WNT8B: variants seen among roughly 807,000 people sequenced by gnomAD.
WNT8B encodes the protein protein Wnt-8b.
WNT8B carries 24 observed loss-of-function variants against 36.6 expected under a neutral mutation model. The observed-to-expected ratio is 0.66, with a 90% CI of 0.48 to 0.92. The LOEUF (loss-of-function observed/expected upper bound fraction) is 0.92. Among genes scored for constraint, WNT8B ranks in the 40% least tolerant of loss-of-function variants. The pLI, the probability that WNT8B is intolerant of heterozygous loss-of-function variation, is 0.00. For missense variants in WNT8B, 402 were observed against 470.8 expected, an observed-to-expected ratio of 0.85 and a Z score of 1.35; for synonymous variants, 199 against 189.8, an observed-to-expected ratio of 1.05 and a Z score of -0.40.
chr10:100,481,210 T>C (rs1851106281), intron 4 of WNT8B, 87 bp downstream of exon 4: 6 of 1,518,678 alleles, frequency 4.0e-6, no homozygotes, highest in Non-Finnish European at 5.3e-6. Context: ...AAGAGCTGTA[T>C]TCTTCTAAAT....
rs1332325998 is a variant in WNT8B, at chr10:100,482,500, T to C, written c.740T>C (p.Val247Ala). ...TFRSISTREL[V>A]HLEDSPDYCL... ...CGCTCCATCTCTACCCGGGAGCTGG[T>C]GCACCTGGAGGACTCCCCGGACTAC... Residue 247 changes from valine to alanine, a missense_variant, in exon 6 of 6, where the codon GTG (valine) becomes GCG (alanine). Val to Ala is a moderately conservative substitution (Grantham distance 64, BLOSUM62 0). Coordinates refer to ENST00000343737, the MANE Select transcript of WNT8B (RefSeq NM_003393.4). This position sits in a 1 kb window ranked among gnomAD's most constrained non-coding sequence, Gnocchi z 6.6. 16 of 1,601,678 alleles carry C rather than the reference T, an allele frequency of 1.0e-5. No homozygotes were observed. Among genetic ancestry groups the C allele is most frequent in the African/African-American group, 1.3e-5 (1 of 74,930 alleles).
intron 1 of WNT8B, among the ~76,000 whole-genome samples, chr10:100,473,407 C>T (rs923502323): frequency 6.6e-6 from 1 of 152,056 alleles, no homozygotes; most frequent in African/African-American, 2.4e-5. Flanking sequence ...AAAAAGAAAC[C>T]CTTTATTTAT....
In WNT8B at chr10:100,482,622, C is replaced by T; in HGVS notation, c.862C>T (p.Arg288Cys). The stretch of plus-strand genomic sequence containing the variant: ...GGGTCGCTGGGAACGCCGCAGCTGC[C>T]GCCGGCTCTGCGGGGACTGCGGGCT... ...ALGRWERRSC[R>C]RLCGDCGLAV... Residue 288 changes from arginine (R) to cysteine (C), a missense_variant, in exon 6 of 6, where the codon CGC (arginine) becomes TGC (cysteine). By Grantham distance (180) the Arg-to-Cys change is radical. Coordinates refer to ENST00000343737, the MANE Select transcript of WNT8B (RefSeq NM_003393.4). The surrounding 1 kb of genome is among the most constrained non-coding windows in gnomAD (Gnocchi z 6.6). 3 of 1,601,298 alleles carry T rather than the reference C, an allele frequency of 1.9e-6. No individual in the cohort carries two copies. Among genetic ancestry groups the T allele is most frequent in the Non-Finnish European group, 2.5e-6 (3 of 1,177,414 alleles).
chr10:100,478,770 C>T (rs1258803480), intron 1 of WNT8B, among the ~76,000 whole-genome samples: 11 of 151,952 alleles, frequency 7.2e-5, no homozygotes, highest in Admixed American at 3.9e-4. Flanking sequence ...TTAGCAGAGA[C>T]GGGGTTTCAC....
chr10:100,466,768 C>CT (rs893507537), intron 1 of WNT8B, among the ~76,000 whole-genome samples: 3 of 149,022 alleles, frequency 2.0e-5, no homozygotes, highest in Non-Finnish European at 4.5e-5. Flanking sequence ...TTTTTTTTTT[C>CT]TTTTTCCCAG....
chr10:100,468,510 C>A (rs531230346), intron 1 of WNT8B, among the ~76,000 whole-genome samples: 3 of 152,318 alleles, frequency 2.0e-5, no homozygotes, highest in African/African-American at 7.2e-5. Context: ...TGAGCTGTTC[C>A]TTAGCAGCTC....
intron 4 of WNT8B, 102 bp from the exon 5 acceptor site, chr10:100,481,810 C>G (rs1372207528): frequency 6.7e-7 from 1 of 1,498,444 alleles, no homozygotes; most frequent in African/African-American, 1.4e-5. Flanking sequence ...TTAATCCTCT[C>G]CTATCCTGGA....
At chr10:100,481,166 C>T (rs1015680759) in intron 4 of WNT8B, 43 bp downstream of exon 4, 1 of 1,603,934 alleles carries the variant, frequency 6.2e-7, no homozygotes, top group Non-Finnish European at 8.5e-7. Flanking sequence ...CCAGCCAACG[C>T]ACATAAAGAA....
At chr10:100,468,988 C>A (rs904939647) in intron 1 of WNT8B, among the ~76,000 whole-genome samples, 4 of 152,110 alleles carry the variant, frequency 2.6e-5, no homozygotes, top group South Asian at 2.1e-4. Flanking sequence ...CTTGTTTTCT[C>A]TTTTCATATT....
At position 100,482,780 on chromosome 10, in the gene WNT8B, G is replaced by T. The variant is rs764994001; in HGVS notation, c.1020G>T (p.Arg340=). Residue 340 remains arginine (R), a synonymous_variant, in exon 6 of 6, where the codon CGG becomes CGT. Transcript: ENST00000343737. This position sits in a 1 kb window ranked among gnomAD's most constrained non-coding sequence, Gnocchi z 6.6. ...KYFCSRAERP[R]GGAAHKPGRK... The stretch of plus-strand genomic sequence containing the variant: ...TCTGTAGCCGCGCAGAGCGGCCGCG[G>T]GGGGGCGCTGCGCACAAACCCGGGA... 30 of 1,587,424 alleles carry T rather than the reference G, an allele frequency of 1.9e-5. No homozygotes were observed. The highest frequency in any genetic ancestry group is 2.2e-4 in the Middle Eastern group (1 of 4,624).
At position 100,479,906 on chromosome 10, in the gene WNT8B, T is replaced by C. The variant is rs1564645037; in HGVS notation, c.135T>C (p.Ala45=). 1 of 1,614,084 alleles carries C rather than the reference T, an allele frequency of 6.2e-7. No homozygotes were observed. Among genetic ancestry groups the C allele is most frequent in the Non-Finnish European group, 8.5e-7 (1 of 1,179,948 alleles). The change falls in exon 3 of 6, where the codon GCT becomes GCC. Residue 45 remains alanine (A), a synonymous_variant. Coordinates refer to ENST00000343737, the MANE Select transcript of WNT8B (RefSeq NM_003393.4). Reference sequence around the variant, plus strand: ...TGATTTACTCCAGCAGTGTGGCAGCTGGTGCCCAGAGTGGTATTGAAGAAT... The same window carrying C: ...TGATTTACTCCAGCAGTGTGGCAGCCGGTGCCCAGAGTGGTATTGAAGAAT... ...AYLIYSSSVA[A]GAQSGIEECK...
At chr10:100,479,224 A>C (rs1589725648) in intron 2 of WNT8B, 139 bp downstream of exon 2, 2 of 785,712 alleles carry the variant, frequency 2.5e-6, no homozygotes, top group African/African-American at 3.6e-5. Flanking sequence ...TGAGACCCAG[A>C]GGGTGTTAGG....
At chr10:100,472,110 CTTTTTCT>C (rs1243811312) in intron 1 of WNT8B, among the ~76,000 whole-genome samples, 41 of 146,264 alleles carry the variant, frequency 2.8e-4, no homozygotes, top group Non-Finnish European at 4.5e-4. Flanking sequence ...GGGAAGATTT[CTTTTTCT>C]TTTTTTTTTT....
chr10:100,468,747 C>T (rs1044798695), intron 1 of WNT8B, among the ~76,000 whole-genome samples: 4 of 152,192 alleles, frequency 2.6e-5, no homozygotes, highest in African/African-American at 9.7e-5. Context: ...GATGATCCCC[C>T]GAACATTTGT....
chr10:100,483,009 T>A lies in WNT8B; in HGVS notation c.*193T>A. 1.7e-6 allele frequency: 1 copy of A among 603,954 alleles called. No individual in the cohort carries two copies. The highest frequency in any genetic ancestry group is 2.7e-6 in the Non-Finnish European group (1 of 375,428). The allele number at this position is 603,954 out of a possible 1,614,324, so 37.4% of individuals were successfully genotyped here. ...ATTCCTCTGTGCTCTCCTAGAGCTC[T>A]GTCTGAATCCTCGCAGCCACACCTA... On this transcript the variant is annotated 3_prime_UTR_variant, in exon 6 of 6. Coordinates refer to ENST00000343737, the MANE Select transcript of WNT8B (RefSeq NM_003393.4).
At chr10:100,467,903 T>C (rs796156041) in intron 1 of WNT8B, among the ~76,000 whole-genome samples, 17 of 152,332 alleles carry the variant, frequency 1.1e-4, no homozygotes, top group African/African-American at 3.6e-4. Context: ...ATTCTCTTAG[T>C]CTGAATCTTC....
At chr10:100,481,272 C>A (rs1192185840) in intron 4 of WNT8B, 149 bp downstream of exon 4, 4 of 1,118,006 alleles carry the variant, frequency 3.6e-6, no homozygotes, top group Non-Finnish European at 4.9e-6. Context: ...CCAAGCCCTA[C>A]AATGACAAGC....
Position 100,463,200 on chromosome 10 carries a change from G to C in WNT8B, c.32G>C (p.Cys11Ser), listed in dbSNP as rs3793771. 0.22 allele frequency: 356,227 copies of C among 1,612,156 alleles called. 40,337 individuals are homozygous for C. The highest frequency in any genetic ancestry group is 0.23 in the South Asian group (21,015 of 90,894). Residue 11 changes from cysteine (C) to serine (S), a missense_variant, in exon 1 of 6, where the codon TGT (cysteine) becomes TCT (serine). Cys to Ser is a moderately radical substitution (Grantham distance 112, BLOSUM62 -1). This residue lies in a region of WNT8B where 131 missense variants were observed against 152.6 expected (regional missense o/e 0.86). Transcript: ENST00000343737. MFLSKPSVYI[C>S]LFTCVLQLSH... ...CTTTCAAAGCCTTCTGTGTACATCT[G>C]TCTTTTCACCTGTGTCCTCCAACTC...
Position 100,469,118 on chromosome 10 carries a change from G to A in WNT8B, c.68+5882G>A, listed in dbSNP as rs184610292. On this transcript the variant is annotated intron_variant, in intron 1 of 5. Transcript: ENST00000343737. Reference sequence around the variant, plus strand: ...GACTTTAATTTGGTGAAATAGTTATGGGAATATGACCAAAAGCTACACATT... The same window carrying A: ...GACTTTAATTTGGTGAAATAGTTATAGGAATATGACCAAAAGCTACACATT... Among the ~76,000 whole-genome samples the A allele has an allele frequency of 1.2e-3, 177 of 152,106 alleles. 2 individuals carry two copies. Among genetic ancestry groups the A allele is most frequent in the Non-Finnish European group, 2.0e-3 (139 of 67,994 alleles).
Sources: gnomAD v4.1 joint callset for allele counts (sites outside exome capture counted in the v4.1 genomes callset) on GRCh38, gnomAD v4.1.1 for gene constraint, gnomAD v4.1.1 regional missense constraint, Gnocchi (gnomAD v3.1) non-coding constraint, MANE v1.5 for transcripts, NCBI Gene and HGNC (gene_info 2026-07-23, HGNC 2026-07-21) for gene names.